PLXNA2: variants seen among roughly 807,000 people sequenced by gnomAD.
PLXNA2 encodes the protein plexin-A2.
Under a neutral mutation model 193.5 loss-of-function variants are expected in PLXNA2, and 91 were observed. The ratio of observed to expected loss-of-function variants is 0.47; its 90% CI spans 0.40 to 0.56. PLXNA2 has a LOEUF of 0.56. Among genes scored for constraint, PLXNA2 ranks in the 20% least tolerant of loss-of-function variants. PLXNA2 has a pLI of 0.00. For missense variants in PLXNA2, 1,995 were observed against 2,503.2 expected, an observed-to-expected ratio of 0.80 and a Z score of 4.33; for synonymous variants, 997 against 1,027.3, an observed-to-expected ratio of 0.97 and a Z score of 0.56.
Position 208,242,255 on chromosome 1 carries a change from C to G in PLXNA2, c.-81+1388G>C, listed in dbSNP as rs1672080847. 3.3e-5 allele frequency among the ~76,000 whole-genome samples: 5 copies of G among 151,984 alleles called. No homozygotes were observed. The South Asian group carries it at 1.0e-3, about 32-fold the overall frequency. ...AAGTTTCAAGATCTGGGAAAGAAGC[C>G]CAGCAAAGGAGGGAGACTGCTATTG... is the stretch of plus-strand genomic sequence containing the variant. On this transcript the variant is annotated intron_variant, in intron 1 of 31. Coordinates refer to ENST00000367033, the MANE Select transcript of PLXNA2 (RefSeq NM_025179.4).
At chr1:208,232,977 C>T (rs552593606) in intron 1 of PLXNA2, among the ~76,000 whole-genome samples, 1 of 152,232 alleles carries the variant, frequency 6.6e-6, no homozygotes, top group African/African-American at 2.4e-5. Context: ...CAGCTATCAG[C>T]TACGATACCT....
chr1:208,057,557 C>A (rs1445419477), intron 13 of PLXNA2, among the ~76,000 whole-genome samples: 3 of 152,190 alleles, frequency 2.0e-5, no homozygotes, highest in African/African-American at 4.8e-5. Flanking sequence ...GTGGTGTGTG[C>A]ACCACCACCT....
At chr1:208,039,340 A>G (rs1664779787) in intron 24 of PLXNA2, among the ~76,000 whole-genome samples, 1 of 152,018 alleles carries the variant, frequency 6.6e-6, no homozygotes, top group African/African-American at 2.4e-5. Context: ...TTAGGAACCA[A>G]CATACATCTT....
chr1:208,221,659 G>C, intron 1 of PLXNA2, among the ~76,000 whole-genome samples: 1 of 152,102 alleles, frequency 6.6e-6, no homozygotes, highest in Admixed American at 6.5e-5. Flanking sequence ...TGACTTCAAG[G>C]GCACGTTGAG....
intron 8 of PLXNA2, 39 bp downstream of exon 8, chr1:208,095,990 T>A: frequency 1.3e-6 from 2 of 1,502,292 alleles, no homozygotes; most frequent in Non-Finnish European, 1.9e-6. Context: ...CATACCCACA[T>A]CCAGACCCAG....
intron 4 of PLXNA2, among the ~76,000 whole-genome samples, chr1:208,109,568 A>C (rs918720046): frequency 3.9e-5 from 6 of 152,206 alleles, no homozygotes; most frequent in Non-Finnish European, 5.9e-5. Flanking sequence ...ACAACTCCCC[A>C]GAGAGGAAGA....
At position 208,031,685 on chromosome 1, in the gene PLXNA2, G is replaced by A. The variant is rs559132606; in HGVS notation, c.5130C>T (p.Pro1710=). The change falls in exon 29 of 32, where the codon CCC becomes CCT. Residue 1710 remains proline, a synonymous_variant. Coordinates refer to ENST00000367033, the MANE Select transcript of PLXNA2 (RefSeq NM_025179.4). ...FSTVHRGSAL[P]LAIKYMFDFL... ...AATCAAACATGTACTTGATGGCCAG[G>A]GGGAGAGCGCTGCCCCGGTGCACAG... 2.5e-6 allele frequency: 4 copies of A among 1,613,780 alleles called. No homozygotes were observed. The highest frequency in any genetic ancestry group is 4.5e-5 in the East Asian group (2 of 44,876).
intron 29 of PLXNA2, chr1:208,029,317 A>C (rs1048425576): frequency 4.0e-6 from 5 of 1,256,564 alleles, no homozygotes; most frequent in Non-Finnish European, 5.0e-6. Flanking sequence ...CCCTTCTGGG[A>C]GACTTTTCTA....
rs376567504 is a variant in PLXNA2, at chr1:208,080,337, C to T, written c.2396-887G>A. ...AAACCCTTTGTCTTTTTTTTTGTCTCCTGCTGACTTAAAAGTGCTAGTATA... is the reference window on the plus strand; with the variant it reads ...AAACCCTTTGTCTTTTTTTTTGTCTTCTGCTGACTTAAAAGTGCTAGTATA... On this transcript the variant is annotated intron_variant, in intron 11 of 31. Transcript: ENST00000367033. Among the ~76,000 whole-genome samples the T allele has an allele frequency of 9.2e-5, 14 of 151,710 alleles. No individual in the cohort carries two copies. In the East Asian group the frequency reaches 2.7e-3, roughly 29 times the overall value.
intron 4 of PLXNA2, among the ~76,000 whole-genome samples, chr1:208,114,616 T>G (rs537487969): frequency 6.6e-6 from 1 of 152,256 alleles, no homozygotes; most frequent in Non-Finnish European, 1.5e-5. Flanking sequence ...GCAAACACCA[T>G]GGAATGCATC....
chr1:208,080,474 C>A (rs559935982), intron 11 of PLXNA2, among the ~76,000 whole-genome samples: 1 of 152,254 alleles, frequency 6.6e-6, no homozygotes, highest in South Asian at 2.1e-4. Context: ...ACGTAAAAGT[C>A]ATTTTTCCAC....
chr1:208,169,280 C>A (rs776877696), intron 3 of PLXNA2, among the ~76,000 whole-genome samples: 1 of 152,190 alleles, frequency 6.6e-6, no homozygotes, highest in African/African-American at 2.4e-5. Context: ...ACAGGACACA[C>A]ATTCAAAAAC....
At chr1:208,179,978 A>T (rs1165810176) in intron 3 of PLXNA2, among the ~76,000 whole-genome samples, 1 of 152,096 alleles carries the variant, frequency 6.6e-6, no homozygotes, top group Non-Finnish European at 1.5e-5. Flanking sequence ...CAAAGGGAAC[A>T]AGCAAATACC....
rs183318748 is a variant in PLXNA2 at position 208,102,074 on chromosome 1, G to A, written c.1607+1073C>T. Among the ~76,000 whole-genome samples the A allele has an allele frequency of 3.5e-3, 533 of 152,312 alleles. 3 individuals carry two copies. Among genetic ancestry groups the A allele is most frequent in the Non-Finnish European group, 5.4e-3 (366 of 68,034 alleles). ...GTCCAGGTCTGCTAAGAGCATTTCTGCAAAACTTTCTGAGCAGTCTTTTAC... is the reference window on the plus strand; with the variant it reads ...GTCCAGGTCTGCTAAGAGCATTTCTACAAAACTTTCTGAGCAGTCTTTTAC... On this transcript the variant is annotated intron_variant, in intron 5 of 31. Transcript: ENST00000367033.
At chr1:208,062,327 CA>C (rs1214048991) in intron 12 of PLXNA2, among the ~76,000 whole-genome samples, 1 of 152,186 alleles carries the variant, frequency 6.6e-6, no homozygotes, top group South Asian at 2.1e-4. Flanking sequence ...TCGGCAGGTG[CA>C]CTGCTCCCTT....
intron 4 of PLXNA2, among the ~76,000 whole-genome samples, chr1:208,129,111 T>A (rs764209945): frequency 1.3e-5 from 2 of 152,166 alleles, no homozygotes; most frequent in African/African-American, 2.4e-5. Flanking sequence ...AATGATACAA[T>A]GAATGCCTGA....
intron 3 of PLXNA2, among the ~76,000 whole-genome samples, chr1:208,182,756 G>A (rs1327803065): frequency 1.3e-5 from 2 of 152,004 alleles, no homozygotes; most frequent in African/African-American, 2.4e-5. Flanking sequence ...AGAGCTGTGC[G>A]GGGAGTTTGC....
Position 208,046,052 on chromosome 1 carries a change from G to A in PLXNA2, c.3321C>T (p.Arg1107=), listed in dbSNP as rs754957944. 3 of 1,614,258 alleles carry A rather than the reference G, an allele frequency of 1.9e-6. No individual in the cohort carries two copies. The highest frequency in any genetic ancestry group is 2.2e-5 in the South Asian group (2 of 91,088). ...GGCGTTCCACAGTGTCCAGGCCAGG[G>A]CGGTAGTCCGTGGTCAGAGAGGGTG... ...CLAPSLTTDY[R]PGLDTVERPD... The change falls in exon 18 of 32, where the codon CGC becomes CGT. Residue 1107 remains arginine, a synonymous_variant. Transcript: ENST00000367033.
intron 27 of PLXNA2, among the ~76,000 whole-genome samples, chr1:208,034,037 G>A (rs567287383): frequency 6.6e-6 from 1 of 152,318 alleles, no homozygotes; most frequent in African/African-American, 2.4e-5. Flanking sequence ...AATAAAATAA[G>A]GGACAAGGAG....
Sources: allele counts gnomAD v4.1 joint callset (sites outside exome capture counted in the v4.1 genomes callset), GRCh38; gene constraint gnomAD v4.1.1; transcripts MANE v1.5; gene names NCBI Gene and HGNC (gene_info 2026-07-23, HGNC 2026-07-21).